PIGU: variants seen among roughly 807,000 people sequenced by gnomAD.
PIGU encodes GPI-anchor transamidase component PIGU.
In PIGU, 24 loss-of-function variants were observed where a neutral mutation model predicts 49.9. The ratio of observed to expected loss-of-function variants is 0.48; its 90% CI spans 0.35 to 0.68. PIGU has a LOEUF of 0.68. Ranked by LOEUF, PIGU falls within the 30% of genes least tolerant of loss-of-function variation. The pLI is 0.01. For synonymous variants in PIGU, 220 were observed against 205.7 expected (o/e 1.07, Z -0.59); for missense variants, 490 against 532.6 (o/e 0.92, Z 0.79).
chr20:34,659,257 G>T (rs1600667827), intron 1 of PIGU, among the ~76,000 whole-genome samples: 1 of 107,474 alleles, frequency 9.3e-6, no homozygotes, highest in Admixed American at 9.1e-5. Flanking sequence ...GAGGTGGGGG[G>T]GTCAGCCCCC....
intron 11 of PIGU, among the ~76,000 whole-genome samples, chr20:34,562,057 C>T (rs1357251119): frequency 3.9e-5 from 6 of 152,216 alleles, no homozygotes; most frequent in Non-Finnish European, 5.9e-5. Context: ...GGGCCACACA[C>T]AGAAGAATCA....
chr20:34,575,314 C>G, intron 10 of PIGU, 68 bp from the exon 11 acceptor site: 2 of 1,554,550 alleles, frequency 1.3e-6, no homozygotes, highest in Admixed American at 3.6e-5. Flanking sequence ...GCTGCAATGG[C>G]CCCCCTGAAT....
At chr20:34,597,074 A>T (rs1356891327) in intron 7 of PIGU, among the ~76,000 whole-genome samples, 1 of 152,128 alleles carries the variant, frequency 6.6e-6, no homozygotes, top group Non-Finnish European at 1.5e-5. Context: ...ACTTTGAAAA[A>T]CTGTCTAGTG....
intron 1 of PIGU, among the ~76,000 whole-genome samples, chr20:34,664,152 AC>A (rs1987012248): frequency 6.6e-6 from 1 of 152,098 alleles, no homozygotes; most frequent in Admixed American, 6.6e-5. Flanking sequence ...AACATGTAAA[AC>A]ATTTTTTTGT....
chr20:34,644,897 AAG>A (rs1457620128), intron 3 of PIGU, among the ~76,000 whole-genome samples: 9 of 152,200 alleles, frequency 5.9e-5, no homozygotes, highest in African/African-American at 2.2e-4. Context: ...AAATTCTAAA[AAG>A]AGTAAGTATT....
intron 7 of PIGU, among the ~76,000 whole-genome samples, chr20:34,608,690 A>G (rs1200538596): frequency 1.3e-5 from 2 of 152,072 alleles, no homozygotes; most frequent in East Asian, 1.9e-4. Context: ...TATCAAATCC[A>G]TTTTGATTTG....
At chr20:34,561,759 C>T (rs565714013) in intron 11 of PIGU, among the ~76,000 whole-genome samples, 2 of 152,154 alleles carry the variant, frequency 1.3e-5, no homozygotes, top group Admixed American at 1.3e-4. Context: ...CCTCACCCCA[C>T]GGCAGGATCT....
chr20:34,591,041 T>A (rs556970998), intron 7 of PIGU, among the ~76,000 whole-genome samples: 1,131 of 104,370 alleles, frequency 0.011, 4 homozygotes, highest in African/African-American at 0.021. Flanking sequence ...GAAAAAAAAA[T>A]ATATATATAT....
chr20:34,570,734 T>C lies in PIGU; in HGVS notation c.1194+4370A>G, dbSNP rs75068053. On this transcript the variant is annotated intron_variant, in intron 11 of 11. Coordinates refer to ENST00000217446, the MANE Select transcript of PIGU (RefSeq NM_080476.5). ...ATTAATTTTAATTTTAGGAGAAGAT[T>C]TTCTTATGTTCTCTGTTTTTAAACA... Among the ~76,000 whole-genome samples the C allele has an allele frequency of 5.1e-3, 775 of 152,314 alleles. 7 individuals are homozygous for C. The highest frequency in any genetic ancestry group is 0.013 in the South Asian group (65 of 4,828).
chr20:34,563,538 C>T (rs768164784), intron 11 of PIGU, among the ~76,000 whole-genome samples: 2 of 149,320 alleles, frequency 1.3e-5, no homozygotes, highest in Non-Finnish European at 1.5e-5. Flanking sequence ...GCAACAAGAG[C>T]GAAACTGCGT....
intron 9 of PIGU, among the ~76,000 whole-genome samples, chr20:34,585,157 C>G (rs1049467053): frequency 2.0e-5 from 3 of 152,224 alleles, no homozygotes; most frequent in African/African-American, 7.2e-5. Flanking sequence ...TAGTCCAAAA[C>G]AGTGAATGGG....
chr20:34,609,810 T>C (rs1984748145), intron 7 of PIGU, among the ~76,000 whole-genome samples: 1 of 152,144 alleles, frequency 6.6e-6, no homozygotes, highest in Non-Finnish European at 1.5e-5. Context: ...GTTCCCATAA[T>C]CCCCTCATGT....
intron 11 of PIGU, among the ~76,000 whole-genome samples, chr20:34,563,519 C>T (rs995967817): frequency 6.6e-6 from 1 of 151,586 alleles, no homozygotes; most frequent in Non-Finnish European, 1.5e-5. Context: ...CCATTGCACT[C>T]CAGCCTAGGC....
At chr20:34,612,282 C>T (rs541514965) in intron 7 of PIGU, among the ~76,000 whole-genome samples, 23 of 152,244 alleles carry the variant, frequency 1.5e-4, no homozygotes, top group Non-Finnish European at 2.1e-4. Flanking sequence ...CATGTTCTTA[C>T]TCATAAGTGG....
chr20:34,572,740 G>A (rs1983065969), intron 11 of PIGU, among the ~76,000 whole-genome samples: 1 of 152,140 alleles, frequency 6.6e-6, no homozygotes, highest in Admixed American at 6.5e-5. Flanking sequence ...CCAAACCACT[G>A]GATGTTACAG....
chr20:34,564,705 A>G (rs1982671238), intron 11 of PIGU, among the ~76,000 whole-genome samples: 1 of 152,256 alleles, frequency 6.6e-6, no homozygotes, highest in Non-Finnish European at 1.5e-5. Flanking sequence ...GAAATACACT[A>G]AAAAAGTAAG....
chr20:34,644,286 T>A, intron 3 of PIGU, 60 bp from the exon 4 acceptor site: 3 of 1,402,180 alleles, frequency 2.1e-6, no homozygotes, highest in Non-Finnish European at 3.0e-6. Flanking sequence ...AGTACTAGAG[T>A]GCTACCAGGG....
intron 9 of PIGU, among the ~76,000 whole-genome samples, chr20:34,584,792 A>C (rs954148098): frequency 5.3e-5 from 8 of 151,346 alleles, no homozygotes; most frequent in Non-Finnish European, 1.0e-4. Context: ...GGTTCAAGCA[A>C]TTCTCCTGTC....
intron 1 of PIGU, among the ~76,000 whole-genome samples, chr20:34,675,493 C>T (rs1308870074): frequency 6.6e-6 from 1 of 152,128 alleles, no homozygotes; most frequent in Non-Finnish European, 1.5e-5. Context: ...TTATTACTAT[C>T]TTTATTACCA....
Sources: gnomAD v4.1 joint callset for allele counts (sites outside exome capture counted in the v4.1 genomes callset) on GRCh38, gnomAD v4.1.1 for gene constraint, MANE v1.5 for transcripts, NCBI Gene and HGNC (gene_info 2026-07-23, HGNC 2026-07-21) for gene names.